The following WWC1 variants were observed in gnomAD, a reference collection of about 807,000 sequenced individuals.
WWC1 encodes the protein protein KIBRA.
In WWC1, 55 loss-of-function variants were observed where a neutral mutation model predicts 138.4. The ratio of observed to expected loss-of-function variants is 0.40; its 90% CI spans 0.32 to 0.50. WWC1 has a LOEUF of 0.50. WWC1 is among the 20% of genes least tolerant of loss of function. WWC1 has a pLI of 0.72. For synonymous variants in WWC1, 524 were observed against 564.9 expected, an observed-to-expected ratio of 0.93 and a Z score of 1.03; for missense variants, 1,226 against 1,420.4, an observed-to-expected ratio of 0.86 and a Z score of 2.20.
intron 21 of WWC1, among the ~76,000 whole-genome samples, chr5:168,465,910 A>C (rs1250566652): frequency 6.6e-6 from 1 of 151,986 alleles, no homozygotes; most frequent in Non-Finnish European, 1.5e-5. Flanking sequence ...ACAGCATGAG[A>C]CCTTCCAAAG....
At chr5:168,319,426 A>G (rs1335229532) in intron 1 of WWC1, among the ~76,000 whole-genome samples, 3 of 152,172 alleles carry the variant, frequency 2.0e-5, no homozygotes, top group Non-Finnish European at 4.4e-5. Context: ...AAAAATAAAT[A>G]AATAAATAAA....
chr5:168,368,094 T>G (rs887667403), intron 1 of WWC1, among the ~76,000 whole-genome samples: 16 of 150,838 alleles, frequency 1.1e-4, no homozygotes, highest in African/African-American at 3.6e-4. Context: ...CTTCATCTTT[T>G]TTTTTTTTTT....
At chr5:168,407,790 T>G (rs1190243454) in intron 6 of WWC1, among the ~76,000 whole-genome samples, 1 of 152,162 alleles carries the variant, frequency 6.6e-6, no homozygotes. Context: ...ATGGGCTGTA[T>G]TCACTAGTGT....
chr5:168,417,118 C>T (rs1780717676), intron 9 of WWC1, among the ~76,000 whole-genome samples: 1 of 152,106 alleles, frequency 6.6e-6, no homozygotes, highest in East Asian at 1.9e-4. Context: ...CCACGTGCCT[C>T]GGCCTTCCAA....
At chr5:168,385,867 A>T (rs1401636453) in intron 3 of WWC1, among the ~76,000 whole-genome samples, 1 of 152,182 alleles carries the variant, frequency 6.6e-6, no homozygotes. Flanking sequence ...CGCAATTTCA[A>T]AACAATCAAA....
At chr5:168,391,149 G>A (rs558819133) in intron 3 of WWC1, among the ~76,000 whole-genome samples, 82 of 152,344 alleles carry the variant, frequency 5.4e-4, no homozygotes, top group Non-Finnish European at 9.1e-4. Context: ...ACTCAAGAGA[G>A]CTGGGTTCTT....
At chr5:168,390,874 G>A (rs2152824080) in intron 3 of WWC1, among the ~76,000 whole-genome samples, 1 of 152,330 alleles carries the variant, frequency 6.6e-6, no homozygotes, top group East Asian at 1.9e-4. Context: ...AGGGCAATAT[G>A]TTAGGCACTC....
intron 2 of WWC1, among the ~76,000 whole-genome samples, chr5:168,376,452 A>G (rs1777173494): frequency 1.3e-5 from 2 of 152,242 alleles, no homozygotes; most frequent in Non-Finnish European, 2.9e-5. Context: ...AGAGAAAGAA[A>G]TAGAAGATAC....
At chr5:168,381,229 C>A (rs1777607320) in intron 2 of WWC1, among the ~76,000 whole-genome samples, 1 of 152,150 alleles carries the variant, frequency 6.6e-6, no homozygotes, top group African/African-American at 2.4e-5. Context: ...CTTGGCCAGA[C>A]CTTCAGGTAA....
chr5:168,449,167 T>C (rs2152879583), intron 17 of WWC1, among the ~76,000 whole-genome samples: 1 of 152,320 alleles, frequency 6.6e-6, no homozygotes, highest in South Asian at 2.1e-4. Context: ...TTTTCCGCTT[T>C]GCCACTCCAG....
rs1481145059 is a variant in WWC1 at position 168,470,035 on chromosome 5, G to C, written c.*1018G>C. The stretch of plus-strand genomic sequence containing the variant: ...CCAGAGAGAGATGACTTCACAGTTT[G>C]TTCATATGAGCATCATCCCATGTCG... On this transcript the variant is annotated 3_prime_UTR_variant, in exon 23 of 23. Coordinates refer to ENST00000265293, the MANE Select transcript of WWC1 (RefSeq NM_015238.3). The C allele has an allele frequency of 6.9e-6, 1 of 144,028 alleles. No individual in the cohort carries two copies. The highest frequency in any genetic ancestry group is 1.5e-5 in the Non-Finnish European group (1 of 66,406). The allele number at this position is 144,028 out of a possible 1,614,324, so 8.9% of individuals were successfully genotyped here.
At chr5:168,441,647 G>T (rs183053843) in intron 15 of WWC1, 35 bp from the exon 16 acceptor site, 1 of 1,598,614 alleles carries the variant, frequency 6.3e-7, no homozygotes, top group African/African-American at 1.3e-5. Context: ...CCCCCCCACC[G>T]CCACTTATGT....
At chr5:168,425,984 T>A (rs1325182201) in intron 11 of WWC1, among the ~76,000 whole-genome samples, 1 of 152,176 alleles carries the variant, frequency 6.6e-6, no homozygotes, top group Non-Finnish European at 1.5e-5. Context: ...TGGCTCCAGG[T>A]GAGGCCAGCT....
At chr5:168,452,199 C>A (rs1421507833) in intron 17 of WWC1, among the ~76,000 whole-genome samples, 1 of 152,190 alleles carries the variant, frequency 6.6e-6, no homozygotes, top group Non-Finnish European at 1.5e-5. Flanking sequence ...AGCTACCACG[C>A]CTGGCCTGTT....
chr5:168,325,343 G>C (rs984025448), intron 1 of WWC1, among the ~76,000 whole-genome samples: 23 of 152,178 alleles, frequency 1.5e-4, no homozygotes, highest in African/African-American at 5.6e-4. Context: ...GGCAGGGGCT[G>C]GGGTCCTGGA....
At chr5:168,401,771 C>T (rs187363812) in intron 5 of WWC1, among the ~76,000 whole-genome samples, 71 of 152,208 alleles carry the variant, frequency 4.7e-4, no homozygotes, top group Middle Eastern at 6.8e-3. Flanking sequence ...TCTCTCAAAC[C>T]GGATTCTGAA....
intron 5 of WWC1, 107 bp from the exon 6 acceptor site, chr5:168,406,091 A>T (rs1357395374): frequency 2.2e-6 from 3 of 1,369,058 alleles, no homozygotes; most frequent in African/African-American, 2.9e-5. Context: ...GGACAGAGGG[A>T]GGGGCCTTCT....
intron 1 of WWC1, among the ~76,000 whole-genome samples, chr5:168,337,570 G>T (rs1289345740): frequency 6.6e-6 from 1 of 152,210 alleles, no homozygotes; most frequent in African/African-American, 2.4e-5. Context: ...AGGCCAGGAG[G>T]CCCTGAAAGA....
intron 1 of WWC1, among the ~76,000 whole-genome samples, chr5:168,363,840 C>T (rs185998186): frequency 2.6e-5 from 4 of 152,148 alleles, no homozygotes; most frequent in Non-Finnish European, 5.9e-5. Flanking sequence ...TAATGAGTGA[C>T]AGTGCCTGCA....
Sources: allele counts gnomAD v4.1 joint callset (sites outside exome capture counted in the v4.1 genomes callset), GRCh38; gene constraint gnomAD v4.1.1; transcripts MANE v1.5; gene names NCBI Gene and HGNC (gene_info 2026-07-23, HGNC 2026-07-21).